RAD23A: variants seen among roughly 807,000 people sequenced by gnomAD.
The protein encoded by RAD23A is lysine-specific demethylase RAD23A.
RAD23A carries 16 observed loss-of-function variants against 44.8 expected under a neutral mutation model. That is an observed-to-expected ratio of 0.36 (90% CI 0.24 to 0.54). The LOEUF is 0.54. RAD23A is among the 20% of genes least tolerant of loss of function. RAD23A has a pLI of 0.89. For synonymous variants in RAD23A, 217 were observed against 202.9 expected, an observed-to-expected ratio of 1.07 and a Z score of -0.59; for missense variants, 380 against 483.3, an observed-to-expected ratio of 0.79 and a Z score of 2.00.
intron 7 of RAD23A, among the ~76,000 whole-genome samples, chr19:12,949,766 T>A (rs1338145573): frequency 6.6e-6 from 1 of 152,066 alleles, no homozygotes; most frequent in African/African-American, 2.4e-5. Context: ...GCTGCGTAAA[T>A]GTCTGTAAGG....
At chr19:12,946,101 G>T in intron 1 of RAD23A, 81 bp downstream of exon 1, 1 of 1,302,366 alleles carries the variant, frequency 7.7e-7, no homozygotes, top group Non-Finnish European at 1.1e-6. Context: ...GAATCCCAAC[G>T]GGAGGGGCAG....
chr19:12,951,048 A>T (rs1188422017), intron 7 of RAD23A, among the ~76,000 whole-genome samples: 1 of 152,228 alleles, frequency 6.6e-6, no homozygotes, highest in Non-Finnish European at 1.5e-5. Context: ...TGGGTGACAG[A>T]GTGAGAGTGT....
chr19:12,946,009 C>A lies in RAD23A; in HGVS notation c.61C>A (p.Pro21Thr). 1 of 1,598,668 alleles carries A rather than the reference C, an allele frequency of 6.3e-7. No individual in the cohort carries two copies. Among genetic ancestry groups the A allele is most frequent in the Non-Finnish European group, 8.5e-7 (1 of 1,173,994 alleles). The change falls in exon 1 of 9, where the codon CCT becomes ACT. Residue 21 changes from proline to threonine, a missense_variant. Pro to Thr is a conservative substitution (Grantham distance 38). Around this residue, in one of 3 missense-constraint regions of RAD23A, gnomAD observed 70 missense variants for 106.0 expected, o/e 0.66. Coordinates refer to ENST00000586534, the MANE Select transcript of RAD23A (RefSeq NM_005053.4). Reference protein sequence around the residue: ...QQQTFKIRMEPDETVKVLKEK... With the variant: ...QQQTFKIRMETDETVKVLKEK... The stretch of plus-strand genomic sequence containing the variant: ...GCAGACCTTCAAGATCCGCATGGAG[C>A]CTGACGAGACGGTGCGGGCCGGGCC...
At position 12,947,935 on chromosome 19, in the gene RAD23A, A is replaced by T; in HGVS notation, c.160A>T (p.Ile54Phe). 1 of 1,614,040 alleles carries T rather than the reference A, an allele frequency of 6.2e-7. No individual in the cohort carries two copies. Among genetic ancestry groups the T allele is most frequent in the Non-Finnish European group, 8.5e-7 (1 of 1,180,024 alleles). Residue 54 changes from isoleucine (I) to phenylalanine (F), a missense_variant, in exon 2 of 9, where the codon ATC (isoleucine) becomes TTC (phenylalanine). Ile to Phe is a conservative substitution (Grantham distance 21). Transcript: ENST00000586534. ...AGQKLIYAGK[I>F]LSDDVPIRDY... ...ACAGAAACTCATCTATGCCGGCAAG[A>T]TCTTGAGTGACGATGTCCCTATCAG...
At chr19:12,950,133 A>G (rs1371540555) in intron 7 of RAD23A, among the ~76,000 whole-genome samples, 2 of 152,066 alleles carry the variant, frequency 1.3e-5, no homozygotes, top group Admixed American at 6.5e-5. Context: ...TGGCTGGCTT[A>G]ATTAACTCTC....
intron 1 of RAD23A, among the ~76,000 whole-genome samples, chr19:12,946,244 CCCGGGGCGCTGGCCAGGCCCCGGCT>C (rs1971670757): frequency 6.6e-6 from 1 of 152,224 alleles, no homozygotes; most frequent in South Asian, 2.1e-4. Flanking sequence ...AGGCCCCACC[CCCGGGGCGCTGGCCAGGCCCCGGCT>C]CCAATGTCAG....
chr19:12,949,566 C>T, intron 7 of RAD23A, 158 bp downstream of exon 7: 4 of 1,007,364 alleles, frequency 4.0e-6, no homozygotes, highest in East Asian at 5.0e-5. Context: ...TGGTGACCCC[C>T]CTGGTTTCTC....
At position 12,948,716 on chromosome 19, in the gene RAD23A, C is replaced by G; in HGVS notation, c.503C>G (p.Thr168Arg). 6.2e-7 allele frequency: 1 copy of G among 1,613,418 alleles called. No individual in the cohort carries two copies. Among genetic ancestry groups the G allele is most frequent in the Non-Finnish European group, 8.5e-7 (1 of 1,179,914 alleles). The change falls in exon 5 of 9, where the codon ACG (threonine) becomes AGG (arginine). Residue 168 changes from threonine to arginine, a missense_variant. Transcript: ENST00000586534. This position sits in a 1 kb window ranked among gnomAD's most constrained non-coding sequence, Gnocchi z 5.5. ...GGCTCTGAGTATGAGACGATGCTGA[C>G]GGAGATCATGTCCATGGGCTATGAG... ...VTGSEYETML[T>R]EIMSMGYERE...
Position 12,949,272 on chromosome 19 carries a change from C to G in RAD23A, c.680-3C>G, listed in dbSNP as rs1202314994. The G allele has an allele frequency of 1.2e-6, 2 of 1,613,948 alleles. No individual in the cohort carries two copies. The highest frequency in any genetic ancestry group is 2.7e-5 in the African/African-American group (2 of 74,930). Reference sequence around the variant, plus strand: ...GTCTGACTGCACCCCTTCCTACTACCAGCAGGAGAGAACCCCCTGGAGTTC... The same window carrying G: ...GTCTGACTGCACCCCTTCCTACTACGAGCAGGAGAGAACCCCCTGGAGTTC... On this transcript the variant is annotated splice_polypyrimidine_tract_variant and splice_region_variant and intron_variant, in intron 6 of 8. Transcript: ENST00000586534.
chr19:12,946,084 G>GGGGGGGGGGGGGCC, intron 1 of RAD23A, 64 bp downstream of exon 1: 88 of 511,788 alleles, frequency 1.7e-4, no homozygotes, highest in Middle Eastern at 1.2e-3. Flanking sequence ...TGGGGGCGGG[G>GGGGGGGGGGGGGCC]AGGCTAGAAT....
chr19:12,953,177 ACAAG>A lies in RAD23A; in HGVS notation c.*132_*135del, dbSNP rs1340948276. The A allele has an allele frequency of 2.5e-5, 17 of 682,156 alleles. No individual in the cohort carries two copies. The highest frequency in any genetic ancestry group is 3.7e-5 in the Non-Finnish European group (16 of 433,498). The allele number at this position is 682,156 out of a possible 1,614,324, so 42.3% of individuals were successfully genotyped here. A position where few individuals can be genotyped will look rare whatever the true frequency, so the allele number is the denominator to read the frequency against. Reference sequence around the variant, plus strand: ...AAAAAAAATCAAAAATCTTAAAAAAACAAGCAAACAGTCCAGCTTCCTGTCCTCC... The same window carrying A: ...AAAAAAAATCAAAAATCTTAAAAAAACAAACAGTCCAGCTTCCTGTCCTCC... On this transcript the variant is annotated 3_prime_UTR_variant, in exon 9 of 9. Coordinates refer to ENST00000586534, the MANE Select transcript of RAD23A (RefSeq NM_005053.4).
chr19:12,949,709 T>G, intron 7 of RAD23A: 1 of 459,442 alleles, frequency 2.2e-6, no homozygotes, highest in Admixed American at 3.5e-5. Context: ...GCCTCCTGCC[T>G]CGGGGTGGGG....
At chr19:12,947,453 T>G (rs1457723230) in intron 1 of RAD23A, among the ~76,000 whole-genome samples, 2 of 152,202 alleles carry the variant, frequency 1.3e-5, no homozygotes, top group East Asian at 3.8e-4. Context: ...CTATTAACTA[T>G]TAGTCACTTA....
rs756611226 is a variant in RAD23A at position 12,947,855 on chromosome 19, T to C, written c.80T>C (p.Val27Ala). ...IRMEPDETVK[V>A]LKEKIEAEKG... ...CTGTACCACTCCCTCTAGGTGAAGGTGCTAAAGGAGAAGATAGAAGCTGAG... is the reference window on the plus strand; with the variant it reads ...CTGTACCACTCCCTCTAGGTGAAGGCGCTAAAGGAGAAGATAGAAGCTGAG... Residue 27 changes from valine (V) to alanine (A), a missense_variant, in exon 2 of 9, where the codon GTG becomes GCG. By Grantham distance (64) the Val-to-Ala change is moderately conservative. Transcript: ENST00000586534. The C allele has an allele frequency of 2.5e-6, 4 of 1,613,548 alleles. No homozygotes were observed. The highest frequency in any genetic ancestry group is 3.4e-6 in the Non-Finnish European group (4 of 1,179,954).
At chr19:12,946,327 C>T (rs1971673641) in intron 1 of RAD23A, among the ~76,000 whole-genome samples, 2 of 152,250 alleles carry the variant, frequency 1.3e-5, no homozygotes, top group Admixed American at 1.3e-4. Context: ...CTGGGCAGGC[C>T]AAGCTCTCCA....
chr19:12,949,898 A>G (rs187433414), intron 7 of RAD23A, among the ~76,000 whole-genome samples: 3 of 151,478 alleles, frequency 2.0e-5, no homozygotes, highest in East Asian at 2.0e-4. Context: ...CCTGGGTGCA[A>G]GTAGGTTCCT....
Position 12,946,036 on chromosome 19 carries a change from G to T in RAD23A, c.72+16G>T. ...TGACGAGACGGTGCGGGCCGGGCCG[G>T]AGCCCGGGGGCGGGAGCGACGGGTT... is the stretch of plus-strand genomic sequence containing the variant. On this transcript the variant is annotated intron_variant, in intron 1 of 8. Coordinates refer to ENST00000586534, the MANE Select transcript of RAD23A (RefSeq NM_005053.4). 6.4e-7 allele frequency: 1 copy of T among 1,553,416 alleles called. No homozygotes were observed. Among genetic ancestry groups the T allele is most frequent in the Non-Finnish European group, 8.7e-7 (1 of 1,147,922 alleles).
At chr19:12,949,904 T>C (rs1393013241) in intron 7 of RAD23A, among the ~76,000 whole-genome samples, 1 of 151,612 alleles carries the variant, frequency 6.6e-6, no homozygotes, top group Non-Finnish European at 1.5e-5. Flanking sequence ...TGCAAGTAGG[T>C]TCCTCTGGGT....
In RAD23A at chr19:12,948,285, C is replaced by T. The variant is rs1006063317; in HGVS notation, c.343C>T (p.Pro115Ser). 1.2e-6 allele frequency: 2 copies of T among 1,613,448 alleles called. No homozygotes were observed. Among genetic ancestry groups the T allele is most frequent in the Admixed American group, 1.7e-5 (1 of 59,858 alleles). The change falls in exon 3 of 9, where the codon CCA becomes TCA. Residue 115 changes from proline to serine, a missense_variant. Around this residue, in one of 3 missense-constraint regions of RAD23A, gnomAD observed 279 missense variants for 313.7 expected, o/e 0.89. Coordinates refer to ENST00000586534, the MANE Select transcript of RAD23A (RefSeq NM_005053.4). The surrounding 1 kb of genome is among the most constrained non-coding windows in gnomAD (Gnocchi z 5.5). ...PAPTSGMSHP[P>S]PAAREDKSPS... The stretch of plus-strand genomic sequence containing the variant: ...CCCCACCTCAGGCATGTCCCATCCC[C>T]CACCTGCCGCCAGAGAGGACAAGAG...
Sources: gnomAD v4.1 joint callset for allele counts (sites outside exome capture counted in the v4.1 genomes callset) on GRCh38, gnomAD v4.1.1 for gene constraint, gnomAD v4.1.1 regional missense constraint, Gnocchi (gnomAD v3.1) non-coding constraint, MANE v1.5 for transcripts, NCBI Gene and HGNC (gene_info 2026-07-23, HGNC 2026-07-21) for gene names.